ANO1: variants seen among roughly 807,000 people sequenced by gnomAD.
The protein encoded by ANO1 is anoctamin-1.
ANO1 carries 59 observed loss-of-function variants against 124.0 expected under a neutral mutation model. The ratio of observed to expected loss-of-function variants is 0.48; its 90% CI spans 0.39 to 0.59. The LOEUF (loss-of-function observed/expected upper bound fraction) is 0.59, where lower values mean the gene tolerates loss of function less well. ANO1 is among the 20% of genes least tolerant of loss of function. The probability of loss-of-function intolerance (pLI) is 0.00; values close to 1 mark genes in which losing one functional copy is unlikely to be tolerated. For missense variants in ANO1, 1,059 were observed against 1,328.0 expected, an observed-to-expected ratio of 0.80 and a Z score of 3.15; for synonymous variants, 529 against 532.0, an observed-to-expected ratio of 0.99 and a Z score of 0.08.
In ANO1 at chr11:70,078,549, C is replaced by T; in HGVS notation, c.-58C>T. 3.9e-6 allele frequency: 5 copies of T among 1,275,436 alleles called. No homozygotes were observed. The highest frequency in any genetic ancestry group is 4.3e-5 in the East Asian group (1 of 23,244). The allele number at this position is 1,275,436 out of a possible 1,614,324, so 79.0% of individuals were successfully genotyped here. A position where few individuals can be genotyped will look rare whatever the true frequency, so the allele number is the denominator to read the frequency against. ...TGCGGTCTCCGCCCGCAGAGGCCGC[C>T]GGGGCCGTGGATGGGGAGGGCGCGC... On this transcript the variant is annotated 5_prime_UTR_variant, in exon 1 of 26. Coordinates refer to ENST00000355303, the MANE Select transcript of ANO1 (RefSeq NM_018043.7).
In ANO1 at chr11:70,189,225, T is replaced by C. The variant is rs188372273; in HGVS notation, c.*1221T>C. The C allele has an allele frequency of 6.6e-6, 1 of 152,652 alleles. No homozygotes were observed. Among genetic ancestry groups the C allele is most frequent in the African/African-American group, 2.4e-5 (1 of 41,536 alleles). The allele number at this position is 152,652 out of a possible 1,614,324, so 9.5% of individuals were successfully genotyped here. A position where few individuals can be genotyped will look rare whatever the true frequency, so the allele number is the denominator to read the frequency against. On this transcript the variant is annotated 3_prime_UTR_variant, in exon 26 of 26. Transcript: ENST00000355303. ...TTTTAGCAAAGGCCAGGAGGAAAAATAGAAATAAATTTGTCTTGAAGATCT... is the reference window on the plus strand; with the variant it reads ...TTTTAGCAAAGGCCAGGAGGAAAAACAGAAATAAATTTGTCTTGAAGATCT...
intron 11 of ANO1, among the ~76,000 whole-genome samples, chr11:70,133,025 G>T (rs1403723376): frequency 6.6e-6 from 1 of 152,170 alleles, no homozygotes; most frequent in Non-Finnish European, 1.5e-5. Flanking sequence ...ATTTGTGGCA[G>T]AGAGACCAGG....
intron 5 of ANO1, 157 bp from the exon 6 acceptor site, chr11:70,108,196 T>C (rs538636166): frequency 5.2e-5 from 33 of 636,210 alleles, no homozygotes; most frequent in Admixed American, 1.1e-4. Flanking sequence ...GGGTCAACCC[T>C]CCCTGAATAA....
At chr11:70,112,906 G>T (rs536882143) in intron 7 of ANO1, among the ~76,000 whole-genome samples, 84 of 152,272 alleles carry the variant, frequency 5.5e-4, no homozygotes, top group Non-Finnish European at 1.3e-4. Context: ...ACAAACTTGA[G>T]GTGCAGGGAT....
chr11:70,045,512 A>G (rs2135067060), intron 1 of ANO1, among the ~76,000 whole-genome samples: 1 of 152,360 alleles, frequency 6.6e-6, no homozygotes, highest in East Asian at 1.9e-4. Flanking sequence ...GATTGGTGAC[A>G]TTAAAGAACA....
In ANO1 at chr11:70,149,118, C is replaced by T. The variant is rs369639434; in HGVS notation, c.1259-592C>T. Among the ~76,000 whole-genome samples the T allele has an allele frequency of 3.3e-5, 5 of 152,304 alleles. No individual in the cohort carries two copies. In the East Asian group the frequency reaches 5.8e-4, roughly 18 times the overall value. ...CTCCTGACCTCCGAACCGGGGCCCC[C>T]GAGAGCAATGGGGGAGGATGGTTGA... is the stretch of plus-strand genomic sequence containing the variant. On this transcript the variant is annotated intron_variant, in intron 11 of 25. Coordinates refer to ENST00000355303, the MANE Select transcript of ANO1 (RefSeq NM_018043.7).
upstream of ANO1, among the ~76,000 whole-genome samples, chr11:69,981,384 C>T (rs887260588): frequency 4.6e-5 from 7 of 152,170 alleles, no homozygotes; most frequent in African/African-American, 1.2e-4. Context: ...TGCACGGATT[C>T]GATGAGCCGA....
At chr11:69,966,303 G>A in the ANO1 span, among the ~76,000 whole-genome samples, 1 of 152,202 alleles carries the variant, frequency 6.6e-6, no homozygotes, top group African/African-American at 2.4e-5. Context: ...GGGCGTGGCT[G>A]GAGGAGGCCC....
intron 1 of ANO1, among the ~76,000 whole-genome samples, chr11:70,013,948 T>C (rs1034314917): frequency 4.6e-5 from 7 of 152,210 alleles, no homozygotes; most frequent in South Asian, 2.1e-4. Flanking sequence ...CCCTGGCTTC[T>C]AGATGGCCAC....
chr11:70,094,275 G>T (rs1211305736), intron 2 of ANO1, among the ~76,000 whole-genome samples: 1 of 152,210 alleles, frequency 6.6e-6, no homozygotes, highest in Non-Finnish European at 1.5e-5. Flanking sequence ...GTGGTGGCAG[G>T]GTTGCCATGG....
intron 1 of ANO1, among the ~76,000 whole-genome samples, chr11:70,079,241 C>G (rs377690317): frequency 2.0e-4 from 30 of 152,160 alleles, no homozygotes; most frequent in African/African-American, 6.8e-4. Context: ...TCCTCACTTG[C>G]CAGAAACGCA....
chr11:70,024,078 T>C (rs1322919124), intron 1 of ANO1, among the ~76,000 whole-genome samples: 11 of 152,330 alleles, frequency 7.2e-5, no homozygotes, highest in Non-Finnish European at 1.5e-4. Context: ...GTTCTTTGGG[T>C]TGGGTCCACC....
intron 6 of ANO1, 72 bp downstream of exon 6, chr11:70,108,476 T>C: frequency 6.5e-7 from 1 of 1,536,622 alleles, no homozygotes; most frequent in Non-Finnish European, 9.0e-7. Flanking sequence ...GTCATCTCTG[T>C]GGGAGGCAGG....
In ANO1 at chr11:70,001,637, A is replaced by G. The variant is rs1425211682; in HGVS notation, c.58+15471A>G. 2.0e-5 allele frequency among the ~76,000 whole-genome samples: 3 copies of G among 152,334 alleles called. No homozygotes were observed. The East Asian group carries it at 5.8e-4, about 29-fold the overall frequency. On this transcript the variant is annotated intron_variant, in intron 1 of 27. Transcript: ENST00000531349. ...AGCAGGCAAATGAATCCATGGGGAT[A>G]GAAACCAGAAGAGTGCCCTGAGGGA...
chr11:70,118,352 G>A (rs530769780), intron 8 of ANO1, among the ~76,000 whole-genome samples: 2 of 152,096 alleles, frequency 1.3e-5, no homozygotes, highest in Non-Finnish European at 2.9e-5. Flanking sequence ...GCCAGGCCCA[G>A]CAAACACAAT....
chr11:70,104,383 T>G (rs1288355264), intron 4 of ANO1, among the ~76,000 whole-genome samples: 1 of 152,086 alleles, frequency 6.6e-6, no homozygotes, highest in East Asian at 1.9e-4. Flanking sequence ...AGGAAAAACT[T>G]CTTTGGCCTG....
chr11:69,990,633 C>T (rs1856135874), intron 1 of ANO1, among the ~76,000 whole-genome samples: 1 of 152,184 alleles, frequency 6.6e-6, no homozygotes, highest in African/African-American at 2.4e-5. Context: ...CTAGTATCTC[C>T]ACATCCTTAG....
intron 1 of ANO1, among the ~76,000 whole-genome samples, chr11:70,071,851 C>T (rs1431433476): frequency 1.3e-5 from 2 of 151,804 alleles, no homozygotes; most frequent in East Asian, 1.9e-4. Context: ...TCTCTGACTC[C>T]TAGCCTCAAG....
intron 1 of ANO1, among the ~76,000 whole-genome samples, chr11:69,994,844 C>T (rs1457310525): frequency 6.6e-6 from 1 of 152,172 alleles, no homozygotes; most frequent in Non-Finnish European, 1.5e-5. Flanking sequence ...TCTTCCCCAC[C>T]AGACACACAC....
Sources: allele counts gnomAD v4.1 joint callset (sites outside exome capture counted in the v4.1 genomes callset), GRCh38; gene constraint gnomAD v4.1.1; transcripts MANE v1.5; gene names NCBI Gene and HGNC (gene_info 2026-07-23, HGNC 2026-07-21).